The following RNLS variants were observed in gnomAD, a reference collection of about 807,000 sequenced individuals.
RNLS encodes renalase.
In RNLS, 39 loss-of-function variants were observed where a neutral mutation model predicts 39.8. The observed-to-expected ratio is 0.98, with a 90% CI of 0.76 to 1.28. RNLS has a LOEUF of 1.28. Ranked by LOEUF, RNLS falls within the 50% of genes most tolerant of loss-of-function variation. The pLI is 0.00. For missense variants in RNLS, 410 were observed against 413.3 expected, an observed-to-expected ratio of 0.99 and a Z score of 0.07; for synonymous variants, 147 against 150.7, an observed-to-expected ratio of 0.98 and a Z score of 0.18.
chr10:88,191,238 C>T, the RNLS span, among the ~76,000 whole-genome samples: 8 of 152,202 alleles, frequency 5.3e-5, no homozygotes, highest in East Asian at 3.9e-4. Context: ...TCTTTGGATG[C>T]GCATTGTATA....
At chr10:88,392,557 G>A (rs969023237) in intron 4 of RNLS, among the ~76,000 whole-genome samples, 1 of 152,180 alleles carries the variant, frequency 6.6e-6, no homozygotes, top group African/African-American at 2.4e-5. Flanking sequence ...ATCATTAGCT[G>A]AACACTAAGT....
At chr10:88,581,784 A>T in intron 2 of RNLS, 75 bp from the exon 3 acceptor site, 3 of 985,902 alleles carry the variant, frequency 3.0e-6, no homozygotes, top group South Asian at 2.8e-5. Context: ...TTTTCTTTCA[A>T]TAATTCTCAG....
chr10:88,191,827 G>A, the RNLS span, among the ~76,000 whole-genome samples: 1 of 152,140 alleles, frequency 6.6e-6, no homozygotes, highest in Non-Finnish European at 1.5e-5. Flanking sequence ...CTTGGGTCCA[G>A]TTTCCTCACT....
chr10:88,278,524 CAG>C (rs1441651028), intron 6 of RNLS, among the ~76,000 whole-genome samples: 3 of 152,124 alleles, frequency 2.0e-5, no homozygotes, highest in Non-Finnish European at 4.4e-5. Context: ...ATCACAATAA[CAG>C]AATACACTGC....
At chr10:88,317,105 A>G in intron 5 of RNLS, among the ~76,000 whole-genome samples, 1 of 152,200 alleles carries the variant, frequency 6.6e-6, no homozygotes, top group East Asian at 1.9e-4. Context: ...TTTAACAAGA[A>G]TATCACCTAG....
chr10:88,196,172 A>G, the RNLS span, among the ~76,000 whole-genome samples: 8 of 114,318 alleles, frequency 7.0e-5, no homozygotes, highest in Non-Finnish European at 1.3e-4. Context: ...CTTGCCTAAT[A>G]TTTTGGCATC....
At chr10:88,317,562 G>A (rs905246405) in intron 5 of RNLS, among the ~76,000 whole-genome samples, 6 of 152,152 alleles carry the variant, frequency 3.9e-5, no homozygotes, top group Admixed American at 2.6e-4. Flanking sequence ...ATTTTTTTGT[G>A]TGTGTTTCGT....
intron 5 of RNLS, among the ~76,000 whole-genome samples, chr10:88,328,922 C>G (rs1846856928): frequency 6.6e-6 from 1 of 152,036 alleles, no homozygotes; most frequent in African/African-American, 2.4e-5. Context: ...TCAGATTTTG[C>G]TTTCCTTAAA....
At chr10:88,376,807 T>C (rs1029155858) in intron 4 of RNLS, among the ~76,000 whole-genome samples, 7 of 152,128 alleles carry the variant, frequency 4.6e-5, no homozygotes, top group Non-Finnish European at 8.8e-5. Flanking sequence ...AGTAAATCAA[T>C]ATAAAATCAT....
chr10:88,247,359 G>C, the RNLS span, among the ~76,000 whole-genome samples: 1 of 152,154 alleles, frequency 6.6e-6, no homozygotes, highest in Non-Finnish European at 1.5e-5. Context: ...TGAAGAAGGG[G>C]GAAGTGAGGG....
At chr10:88,412,092 T>G (rs1383349837) in intron 4 of RNLS, among the ~76,000 whole-genome samples, 1 of 152,114 alleles carries the variant, frequency 6.6e-6, no homozygotes, top group African/African-American at 2.4e-5. Context: ...TGATCAGATT[T>G]GCATTTTGGA....
intron 4 of RNLS, among the ~76,000 whole-genome samples, chr10:88,505,834 C>T (rs1387796508): frequency 1.3e-5 from 2 of 152,104 alleles, no homozygotes; most frequent in Admixed American, 6.6e-5. Context: ...CACCATGTGT[C>T]CTTGATGTAA....
chr10:88,341,751 T>C (rs559865872), intron 5 of RNLS, among the ~76,000 whole-genome samples: 1 of 152,080 alleles, frequency 6.6e-6, no homozygotes, highest in Non-Finnish European at 1.5e-5. Context: ...TACTACCAAG[T>C]GAGATGCTAG....
intron 4 of RNLS, among the ~76,000 whole-genome samples, chr10:88,407,579 A>G (rs1011245946): frequency 2.6e-5 from 4 of 152,052 alleles, no homozygotes; most frequent in African/African-American, 9.7e-5. Flanking sequence ...AAATGAAGAA[A>G]GGACAACTCT....
At chr10:88,366,055 T>A (rs891593079) in intron 4 of RNLS, among the ~76,000 whole-genome samples, 1 of 152,152 alleles carries the variant, frequency 6.6e-6, no homozygotes, top group Non-Finnish European at 1.5e-5. Flanking sequence ...ATAAAGTCCC[T>A]GCTCTCCTGT....
At chr10:88,469,035 TA>T (rs1271396069) in intron 4 of RNLS, among the ~76,000 whole-genome samples, 1 of 152,102 alleles carries the variant, frequency 6.6e-6, no homozygotes, top group Non-Finnish European at 1.5e-5. Flanking sequence ...CATGATACAT[TA>T]AAAAATGTGA....
At chr10:88,489,011 C>T (rs1194514441) in intron 4 of RNLS, among the ~76,000 whole-genome samples, 2 of 152,178 alleles carry the variant, frequency 1.3e-5, no homozygotes, top group Admixed American at 6.5e-5. Context: ...TGTAATAAGA[C>T]ACACTGTACA....
At chr10:88,278,835 A>G (rs917426142) in intron 6 of RNLS, among the ~76,000 whole-genome samples, 1 of 152,170 alleles carries the variant, frequency 6.6e-6, no homozygotes, top group Non-Finnish European at 1.5e-5. Flanking sequence ...AGGTTAGTAC[A>G]TTTTTGTTCT....
Position 88,500,737 on chromosome 10 carries a change from C to T in RNLS, c.526+72166G>A, listed in dbSNP as rs530463521. ...CGATCATTAGTGTTTAATCCAAAGA[C>T]TCATTTTAAATAATCATCCTCTCCA... is the stretch of plus-strand genomic sequence containing the variant. On this transcript the variant is annotated intron_variant, in intron 4 of 6. Coordinates refer to ENST00000331772, the MANE Select transcript of RNLS (RefSeq NM_001031709.3). Among the ~76,000 whole-genome samples the T allele has an allele frequency of 5.3e-5, 8 of 152,176 alleles. No individual in the cohort carries two copies. In the South Asian group the frequency reaches 1.7e-3, roughly 32 times the overall value.
Sources: gnomAD v4.1 joint callset for allele counts (sites outside exome capture counted in the v4.1 genomes callset) on GRCh38, gnomAD v4.1.1 for gene constraint, MANE v1.5 for transcripts, NCBI Gene and HGNC (gene_info 2026-07-23, HGNC 2026-07-21) for gene names.